Variants in ANK3 observed in about 807,000 individuals in gnomAD.
ANK3 encodes ankyrin-3.
ANK3 carries 57 observed loss-of-function variants against 370.9 expected under a neutral mutation model. That is an observed-to-expected ratio of 0.15 (90% CI 0.12 to 0.19). The LOEUF (loss-of-function observed/expected upper bound fraction) is 0.19, where lower values mean the gene tolerates loss of function less well. Among genes scored for constraint, ANK3 ranks in the 10% least tolerant of loss-of-function variants. The probability of loss-of-function intolerance (pLI) is 1.00; values close to 1 mark genes in which losing one functional copy is unlikely to be tolerated. For synonymous variants in ANK3, 1,929 were observed against 1,946.3 expected, an observed-to-expected ratio of 0.99 and a Z score of 0.23; for missense variants, 4,439 against 5,302.1, an observed-to-expected ratio of 0.84 and a Z score of 5.06.
intron 4 of ANK3, among the ~76,000 whole-genome samples, chr10:60,274,806 A>G (rs2098061121): frequency 6.6e-6 from 1 of 152,230 alleles, no homozygotes; most frequent in Non-Finnish European, 1.5e-5. Flanking sequence ...CTGTAATTCA[A>G]GTAACACCCC....
intron 1 of ANK3, among the ~76,000 whole-genome samples, chr10:60,719,447 AG>A (rs1372129732): frequency 2.6e-5 from 4 of 152,148 alleles, no homozygotes; most frequent in Admixed American, 2.6e-4. Flanking sequence ...CCACCAAAAA[AG>A]TTGTACCAAT....
At position 60,270,128 on chromosome 10, in the gene ANK3, T is replaced by C; in HGVS notation, c.513+3A>G. On this transcript the variant is annotated splice_donor_region_variant and intron_variant, in intron 5 of 43. Coordinates refer to ENST00000280772, the MANE Select transcript of ANK3 (RefSeq NM_020987.5). ...CACCCACAGGAAAAAAACAGTATCT[T>C]ACCTCTGTGGCTAGGCTCTGGCTTG... 6.4e-7 allele frequency: 1 copy of C among 1,559,810 alleles called. No homozygotes were observed. The highest frequency in any genetic ancestry group is 8.7e-7 in the Non-Finnish European group (1 of 1,151,586).
upstream of ANK3, among the ~76,000 whole-genome samples, chr10:60,392,172 T>C (rs1044974487): frequency 1.3e-5 from 2 of 152,180 alleles, no homozygotes; most frequent in African/African-American, 2.4e-5. Context: ...CACAAAGGCA[T>C]TGACTCAAGA....
At chr10:60,169,337 T>A (rs2095710427) in intron 21 of ANK3, among the ~76,000 whole-genome samples, 1 of 151,206 alleles carries the variant, frequency 6.6e-6, no homozygotes, top group African/African-American at 2.4e-5. Flanking sequence ...TAGTCAGATA[T>A]GTCCATCAAC....
chr10:60,042,882 C>A lies in ANK3; in HGVS notation c.13066-123G>T, dbSNP rs776225174. ...AACAGTTTAAAGCATTTTGTCACTTCATGTCCAAAAATACGTACAATCTTT... is the reference window on the plus strand; with the variant it reads ...AACAGTTTAAAGCATTTTGTCACTTAATGTCCAAAAATACGTACAATCTTT... On this transcript the variant is annotated intron_variant, in intron 42 of 43. Coordinates refer to ENST00000280772, the MANE Select transcript of ANK3 (RefSeq NM_020987.5). 5 of 1,519,928 alleles carry A rather than the reference C, an allele frequency of 3.3e-6. No homozygotes were observed. In the South Asian group the frequency reaches 6.6e-5, roughly 20 times the overall value. The allele number at this position is 1,519,928 out of a possible 1,614,324, so 94.2% of individuals were successfully genotyped here.
chr10:60,531,719 T>C (rs1226673175), intron 2 of ANK3, among the ~76,000 whole-genome samples: 2 of 152,154 alleles, frequency 1.3e-5, no homozygotes, highest in African/African-American at 4.8e-5. Flanking sequence ...GGTGAGCTCA[T>C]GGAAGTCAAG....
rs375739231 is a variant in ANK3, at chr10:60,042,772, T to G, written c.13066-13A>C. 3.1e-6 allele frequency: 5 copies of G among 1,612,092 alleles called. No homozygotes were observed. In the African/African-American group the frequency reaches 5.4e-5, roughly 18 times the overall value. ...AACCTTCTCCCTGCTTTGAAAGGAG[T>G]GTACATATTAAGATTTCACAGTGAA... On this transcript the variant is annotated splice_polypyrimidine_tract_variant and intron_variant, in intron 42 of 43. Transcript: ENST00000280772.
At chr10:60,567,449 C>A (rs768837820) in intron 2 of ANK3, among the ~76,000 whole-genome samples, 11 of 152,076 alleles carry the variant, frequency 7.2e-5, no homozygotes, top group Non-Finnish European at 1.2e-4. Flanking sequence ...ACTGTTGAGA[C>A]CTGCTGGCCA....
At chr10:60,080,738 T>C (rs1246361657) in intron 35 of ANK3, 120 bp from the exon 36 acceptor site, 14 of 885,328 alleles carry the variant, frequency 1.6e-5, no homozygotes, top group Non-Finnish European at 1.9e-5. Flanking sequence ...TAGGAAATGT[T>C]AATTTCCCAC....
chr10:60,688,675 G>A (rs1707196122), intron 1 of ANK3, among the ~76,000 whole-genome samples: 2 of 152,210 alleles, frequency 1.3e-5, no homozygotes, highest in Non-Finnish European at 2.9e-5. Flanking sequence ...CAGGCCGGGT[G>A]CGGTGGCACA....
chr10:60,195,123 C>T (rs1338162762), intron 16 of ANK3, among the ~76,000 whole-genome samples: 1 of 152,132 alleles, frequency 6.6e-6, no homozygotes, highest in Admixed American at 6.5e-5. Context: ...CGCGGTGTGT[C>T]ACGCCTGTAA....
At chr10:60,230,120 A>G (rs2097217630) in intron 8 of ANK3, among the ~76,000 whole-genome samples, 1 of 152,198 alleles carries the variant, frequency 6.6e-6, no homozygotes, top group Non-Finnish European at 1.5e-5. Flanking sequence ...GAAAAGAGAT[A>G]GAGAACTCAA....
intron 17 of ANK3, among the ~76,000 whole-genome samples, chr10:60,181,899 G>A (rs2096201859): frequency 6.6e-6 from 1 of 152,136 alleles, no homozygotes; most frequent in Non-Finnish European, 1.5e-5. Flanking sequence ...ATACTCGAAA[G>A]TGTAAGAAAT....
chr10:60,278,626 C>A, intron 4 of ANK3, 148 bp downstream of exon 4: 2 of 649,682 alleles, frequency 3.1e-6, no homozygotes, highest in Non-Finnish European at 5.3e-6. Flanking sequence ...CCGCCTTTGC[C>A]TTCCAAAGTG....
intron 2 of ANK3, among the ~76,000 whole-genome samples, chr10:60,437,627 T>C (rs1318558355): frequency 6.6e-6 from 1 of 152,152 alleles, no homozygotes; most frequent in Non-Finnish European, 1.5e-5. Flanking sequence ...AAAAATTTAA[T>C]AGGTTCCATG....
At chr10:60,377,433 T>G (rs1006790153) in intron 1 of ANK3, among the ~76,000 whole-genome samples, 7 of 152,264 alleles carry the variant, frequency 4.6e-5, no homozygotes, top group South Asian at 4.1e-4. Context: ...TTTATGCACC[T>G]GATTCAAAAT....
chr10:60,281,621 GTGCCTGTAA>G (rs1338345833), intron 1 of ANK3, among the ~76,000 whole-genome samples: 13 of 152,188 alleles, frequency 8.5e-5, no homozygotes, highest in African/African-American at 1.2e-4. Flanking sequence ...CATATAGCAA[GTGCCTGTAA>G]GTTTTTTGTG....
chr10:60,232,282 C>G (rs917415118), intron 8 of ANK3, among the ~76,000 whole-genome samples: 1 of 152,228 alleles, frequency 6.6e-6, no homozygotes, highest in Non-Finnish European at 1.5e-5. Flanking sequence ...TCTGTATATC[C>G]GGGCACCTCT....
intron 28 of ANK3, among the ~76,000 whole-genome samples, chr10:60,105,697 T>C (rs2092069963): frequency 6.6e-6 from 1 of 152,210 alleles, no homozygotes; most frequent in African/African-American, 2.4e-5. Flanking sequence ...ATCAAAATAC[T>C]TATACTTCTA....
Sources: gnomAD v4.1 joint callset for allele counts (sites outside exome capture counted in the v4.1 genomes callset) on GRCh38, gnomAD v4.1.1 for gene constraint, MANE v1.5 for transcripts, NCBI Gene and HGNC (gene_info 2026-07-23, HGNC 2026-07-21) for gene names.